TRAPPC9: variants seen among roughly 807,000 people sequenced by gnomAD.
TRAPPC9 encodes the protein IKK2 binding protein.
In TRAPPC9, 83 loss-of-function variants were observed where a neutral mutation model predicts 124.0. That is an observed-to-expected ratio of 0.67 (90% confidence interval 0.56 to 0.80). The LOEUF (loss-of-function observed/expected upper bound fraction) is 0.80, where lower values mean the gene tolerates loss of function less well. Ranked by LOEUF, TRAPPC9 falls within the 30% of genes least tolerant of loss-of-function variation. TRAPPC9 has a pLI of 0.00. For missense variants in TRAPPC9, 1,302 were observed against 1,508.3 expected (o/e 0.86, Z 2.27); for synonymous variants, 638 against 617.5 (o/e 1.03, Z -0.49).
chr8:139,732,826 G>A (rs1048657694), intron 21 of TRAPPC9, among the ~76,000 whole-genome samples: 11 of 152,312 alleles, frequency 7.2e-5, no homozygotes, highest in East Asian at 1.9e-4. Flanking sequence ...GAAGTGGCAC[G>A]GTTCTGGGAC....
chr8:139,863,354 C>T (rs1828299091), intron 21 of TRAPPC9, among the ~76,000 whole-genome samples: 2 of 152,236 alleles, frequency 1.3e-5, no homozygotes, highest in African/African-American at 4.8e-5. Context: ...CCAGCTGCAG[C>T]ACAGGGAGGA....
At chr8:140,151,475 C>T (rs1001255628) in intron 17 of TRAPPC9, among the ~76,000 whole-genome samples, 30 of 152,336 alleles carry the variant, frequency 2.0e-4, no homozygotes, top group African/African-American at 7.0e-4. Flanking sequence ...GGATTGGCTC[C>T]TCAGAGGCCT....
At chr8:139,778,430 G>C (rs566381374) in intron 21 of TRAPPC9, among the ~76,000 whole-genome samples, 4 of 152,148 alleles carry the variant, frequency 2.6e-5, no homozygotes, top group African/African-American at 9.6e-5. Context: ...GGCATGCAAA[G>C]AAACAGAAAA....
intron 6 of TRAPPC9, among the ~76,000 whole-genome samples, chr8:140,404,140 A>G (rs1027877595): frequency 3.3e-5 from 5 of 152,204 alleles, no homozygotes; most frequent in Admixed American, 3.3e-4. Flanking sequence ...ATAATTCTAC[A>G]TCTTTTCACT....
chr8:140,346,045 G>A (rs2067340057), intron 9 of TRAPPC9, among the ~76,000 whole-genome samples: 1 of 152,236 alleles, frequency 6.6e-6, no homozygotes, highest in Non-Finnish European at 1.5e-5. Context: ...GGGACTGGAA[G>A]AGTTAAGGAA....
At chr8:140,150,849 T>TA (rs2061533629) in intron 17 of TRAPPC9, among the ~76,000 whole-genome samples, 1 of 141,732 alleles carries the variant, frequency 7.1e-6, no homozygotes, top group Admixed American at 7.2e-5. Flanking sequence ...TTGCAGCTTG[T>TA]TTTTGTTTTT....
At chr8:140,043,841 G>A (rs920151764) in intron 17 of TRAPPC9, among the ~76,000 whole-genome samples, 7 of 152,178 alleles carry the variant, frequency 4.6e-5, no homozygotes, top group African/African-American at 1.7e-4. Context: ...GGGAAAGCAT[G>A]GTGACGTGGG....
At chr8:140,155,564 G>A (rs879824142) in intron 17 of TRAPPC9, among the ~76,000 whole-genome samples, 6 of 152,180 alleles carry the variant, frequency 3.9e-5, no homozygotes, top group Admixed American at 6.5e-5. Context: ...TCACACAGGC[G>A]ATCATGCAGG....
At chr8:140,270,397 G>A (rs749316795) in intron 15 of TRAPPC9, among the ~76,000 whole-genome samples, 3 of 152,214 alleles carry the variant, frequency 2.0e-5, no homozygotes, top group Non-Finnish European at 2.9e-5. Flanking sequence ...CCTCATTCTC[G>A]AAATGCGGCT....
At chr8:140,419,956 T>TA (rs2070143167) in intron 5 of TRAPPC9, among the ~76,000 whole-genome samples, 1 of 151,864 alleles carries the variant, frequency 6.6e-6, no homozygotes, top group African/African-American at 2.4e-5. Flanking sequence ...TAGAAAATCC[T>TA]AAAAAATCCA....
At chr8:139,938,346 G>A (rs926147432) in intron 19 of TRAPPC9, among the ~76,000 whole-genome samples, 10 of 151,992 alleles carry the variant, frequency 6.6e-5, no homozygotes, top group African/African-American at 2.4e-4. Flanking sequence ...GTGCAGTGGC[G>A]CGATCTCAGC....
intron 17 of TRAPPC9, among the ~76,000 whole-genome samples, chr8:140,120,536 TCATCCATCTATCCAACATC>T (rs1164672497): frequency 1.3e-5 from 2 of 152,030 alleles, no homozygotes; most frequent in Non-Finnish European, 2.9e-5. Context: ...CAACAACCAT[TCATCCATCTATCCAACATC>T]CATCCATCCA....
intron 2 of TRAPPC9, among the ~76,000 whole-genome samples, chr8:140,441,660 G>T (rs1335152503): frequency 6.6e-6 from 1 of 151,586 alleles, no homozygotes; most frequent in Admixed American, 6.6e-5. Context: ...CTCTACAAAG[G>T]CTCAGGTGAT....
intron 17 of TRAPPC9, among the ~76,000 whole-genome samples, chr8:140,026,599 T>A (rs1429598729): frequency 1.3e-5 from 2 of 152,234 alleles, no homozygotes; most frequent in East Asian, 1.9e-4. Context: ...ATGTTGAGCA[T>A]CTTTTTATGT....
At chr8:139,968,648 C>T (rs562914263) in intron 19 of TRAPPC9, among the ~76,000 whole-genome samples, 1 of 152,346 alleles carries the variant, frequency 6.6e-6, no homozygotes, top group South Asian at 2.1e-4. Context: ...GAGCCTGCCA[C>T]AGAAGAGTAC....
Position 140,211,012 on chromosome 8 carries a change from G to GT in TRAPPC9, c.2556+10446dup, listed in dbSNP as rs74275889. On this transcript the variant is annotated intron_variant, in intron 17 of 22. Transcript: ENST00000438773. Reference sequence around the variant, plus strand: ...AATGCTATTTGTTGTATATCCTAGGGTTTTTTTTTTTTTAAAAACTTGAAT... The same window carrying GT: ...AATGCTATTTGTTGTATATCCTAGGGTTTTTTTTTTTTTTAAAAACTTGAAT... Among the ~76,000 whole-genome samples the GT allele has an allele frequency of 7.9e-3, 1,149 of 145,416 alleles. 4 individuals carry two copies. The highest frequency in any genetic ancestry group is 0.018 in the African/African-American group (723 of 39,856).
rs145465086 is a variant in TRAPPC9 at position 140,264,451 on chromosome 8, G to T, written c.2278+11207C>A. ...ATGGCTTCTGGTTTGGATTTGCTAT[G>T]GTTTTAATGAAAGTATACCTTTATT... On this transcript the variant is annotated intron_variant, in intron 15 of 22. Transcript: ENST00000438773. 2.6e-5 allele frequency among the ~76,000 whole-genome samples: 4 copies of T among 152,128 alleles called. No individual in the cohort carries two copies. In the East Asian group the frequency reaches 7.7e-4, roughly 29 times the overall value.
At chr8:140,316,496 G>A (rs1470750359) in intron 9 of TRAPPC9, among the ~76,000 whole-genome samples, 1 of 152,088 alleles carries the variant, frequency 6.6e-6, no homozygotes, top group Admixed American at 6.5e-5. Flanking sequence ...TGCTTTTTCT[G>A]CTTCTATAGA....
intron 17 of TRAPPC9, among the ~76,000 whole-genome samples, chr8:140,176,780 T>C (rs1797631122): frequency 6.6e-6 from 1 of 152,216 alleles, no homozygotes; most frequent in Non-Finnish European, 1.5e-5. Context: ...ATTCATAATA[T>C]AGGAGAGTTC....
Sources: allele counts gnomAD v4.1 joint callset (sites outside exome capture counted in the v4.1 genomes callset), GRCh38; gene constraint gnomAD v4.1.1; transcripts MANE v1.5; gene names NCBI Gene and HGNC (gene_info 2026-07-23, HGNC 2026-07-21).